The following GPR78 variants were observed in gnomAD, a reference collection of about 807,000 sequenced individuals.
The protein encoded by GPR78 is G protein-coupled receptor 78.
GPR78 carries 29 observed loss-of-function variants against 17.9 expected under a neutral mutation model. That is an observed-to-expected ratio of 1.62 (90% CI 1.20 to 2.21). The LOEUF (loss-of-function observed/expected upper bound fraction) is 2.21, where lower values mean the gene tolerates loss of function less well. GPR78 is among the 30% of genes most tolerant of loss of function. The pLI is 0.00. For missense variants in GPR78, 649 were observed against 530.5 expected (o/e 1.22, Z -2.19); for synonymous variants, 349 against 256.9 (o/e 1.36, Z -3.43).
In GPR78 at chr4:8,581,314, C is replaced by T; in HGVS notation, c.332C>T (p.Pro111Leu). 1 of 1,582,846 alleles carries T rather than the reference C, an allele frequency of 6.3e-7. No individual in the cohort carries two copies. Among genetic ancestry groups the T allele is most frequent in the Non-Finnish European group, 8.5e-7 (1 of 1,171,222 alleles). Reference sequence around the variant, plus strand: ...GACCAGTGGCTGGCAGTGGGCTTCCCACTGCGCTACGCCGGACGCCTGCGA... The same window carrying T: ...GACCAGTGGCTGGCAGTGGGCTTCCTACTGCGCTACGCCGGACGCCTGCGA... ...SADQWLAVGF[P>L]LRYAGRLRPR... Residue 111 changes from proline to leucine, a missense_variant, in exon 1 of 3, where the codon CCA becomes CTA. Physicochemically the swap from Pro to Leu is moderately conservative, Grantham distance 98. Coordinates refer to ENST00000382487, the MANE Select transcript of GPR78 (RefSeq NM_080819.5).
At chr4:8,584,109 A>C (rs1713404803) in intron 2 of GPR78, among the ~76,000 whole-genome samples, 1 of 152,232 alleles carries the variant, frequency 6.6e-6, no homozygotes, top group Non-Finnish European at 1.5e-5. Flanking sequence ...GTGTGTATTC[A>C]TACATGCACA....
chr4:8,585,720 C>T (rs894871069), intron 2 of GPR78, among the ~76,000 whole-genome samples: 11 of 152,174 alleles, frequency 7.2e-5, no homozygotes, highest in African/African-American at 2.4e-4. Flanking sequence ...TGGCTGTGCC[C>T]CTCACCTTCT....
chr4:8,587,451 C>G lies in GPR78; in HGVS notation c.*88C>G, dbSNP rs1443600653. On this transcript the variant is annotated 3_prime_UTR_variant, in exon 3 of 3. Transcript: ENST00000382487. ...GCCACAGAGATGCCACTGGGGACCC[C>G]CAGACACCAGTGGCTTGACTTTGAG... 1 of 1,307,984 alleles carries G rather than the reference C, an allele frequency of 7.6e-7. No individual in the cohort carries two copies. The highest frequency in any genetic ancestry group is 1.4e-5 in the South Asian group (1 of 71,852). The allele number at this position is 1,307,984 out of a possible 1,614,324, so 81.0% of individuals were successfully genotyped here.
chr4:8,587,136 G>C lies in GPR78; in HGVS notation c.865G>C (p.Ala289Pro), dbSNP rs1346289551. The C allele has an allele frequency of 2.5e-6, 4 of 1,613,372 alleles. No homozygotes were observed. Among genetic ancestry groups the C allele is most frequent in the Non-Finnish European group, 3.4e-6 (4 of 1,180,002 alleles). The change falls in exon 3 of 3, where the codon GCC (alanine) becomes CCC (proline). Residue 289 changes from alanine to proline, a missense_variant. By Grantham distance (27) the Ala-to-Pro change is conservative. Transcript: ENST00000382487. ...SKCLTYSKAVADPFTYSLLRR... is the reference protein window; with the variant it reads ...SKCLTYSKAVPDPFTYSLLRR... ...GTGCCTGACCTACAGCAAGGCGGTG[G>C]CCGACCCGTTCACGTACTCTCTGCT...
At chr4:8,585,479 T>C (rs943355359) in intron 2 of GPR78, among the ~76,000 whole-genome samples, 7 of 151,980 alleles carry the variant, frequency 4.6e-5, no homozygotes, top group Non-Finnish European at 7.4e-5. Flanking sequence ...CCTTCCCACT[T>C]GCCTGATGGT....
Position 8,587,448 on chromosome 4 carries a change from C to A in GPR78, c.*85C>A, listed in dbSNP as rs1362132350. ...CCTGCCACAGAGATGCCACTGGGGA[C>A]CCCCAGACACCAGTGGCTTGACTTT... On this transcript the variant is annotated 3_prime_UTR_variant, in exon 3 of 3. Coordinates refer to ENST00000382487, the MANE Select transcript of GPR78 (RefSeq NM_080819.5). 1 of 1,325,556 alleles carries A rather than the reference C, an allele frequency of 7.5e-7. No homozygotes were observed. Among genetic ancestry groups the A allele is most frequent in the Non-Finnish European group, 1.0e-6 (1 of 955,664 alleles). 82.1% of individuals were successfully genotyped at this position (1,325,556 alleles called of 1,614,324 possible).
In GPR78 at chr4:8,587,542, C is replaced by T. The variant is rs750118916; in HGVS notation, c.*179C>T. On this transcript the variant is annotated 3_prime_UTR_variant, in exon 3 of 3. Coordinates refer to ENST00000382487, the MANE Select transcript of GPR78 (RefSeq NM_080819.5). ...ATGTGGGTGTGGACAGCAGTAGTGGCGGAGGAGAGCTCGGGGCTGGGCTGC... is the reference window on the plus strand; with the variant it reads ...ATGTGGGTGTGGACAGCAGTAGTGGTGGAGGAGAGCTCGGGGCTGGGCTGC... The T allele has an allele frequency of 2.5e-5, 17 of 670,830 alleles. No homozygotes were observed. The highest frequency in any genetic ancestry group is 1.1e-4 in the East Asian group (4 of 36,652). 41.6% of individuals were successfully genotyped at this position (670,830 alleles called of 1,614,324 possible). A position where few individuals can be genotyped will look rare whatever the true frequency, so the allele number is the denominator to read the frequency against.
intron 2 of GPR78, among the ~76,000 whole-genome samples, chr4:8,585,067 T>C (rs188818722): frequency 2.8e-4 from 42 of 152,346 alleles, no homozygotes; most frequent in African/African-American, 9.9e-4. Flanking sequence ...GTTGTCACTC[T>C]TGAGTTTTAC....
intron 2 of GPR78, chr4:8,582,919 T>G (rs1402914170): frequency 3.0e-6 from 1 of 332,392 alleles, no homozygotes; most frequent in African/African-American, 2.1e-5. Context: ...ACCTGGCTCT[T>G]TAAACCTAGA....
Position 8,580,972 on chromosome 4 carries a change from C to G in GPR78, c.-11C>G. The G allele has an allele frequency of 6.4e-7, 1 of 1,553,948 alleles. No individual in the cohort carries two copies. The highest frequency in any genetic ancestry group is 1.2e-5 in the South Asian group (1 of 83,880). On this transcript the variant is annotated 5_prime_UTR_variant, in exon 1 of 3. Transcript: ENST00000382487. Reference sequence around the variant, plus strand: ...TGAGAACCCCAGGGTGCCTGGCGAGCCGCTAGCGCCATGGGCCCCGGCGAG... The same window carrying G: ...TGAGAACCCCAGGGTGCCTGGCGAGGCGCTAGCGCCATGGGCCCCGGCGAG...
At chr4:8,585,890 G>A (rs1229881468) in intron 2 of GPR78, among the ~76,000 whole-genome samples, 1 of 152,168 alleles carries the variant, frequency 6.6e-6, no homozygotes, top group Non-Finnish European at 1.5e-5. Flanking sequence ...GTTTGTGGGT[G>A]GTCCAAACTA....
chr4:8,580,632 AAG>A lies in GPR78; in HGVS notation c.-347_-346del, dbSNP rs1713229656. 2.8e-6 allele frequency: 1 copy of A among 361,360 alleles called. No individual in the cohort carries two copies. The allele number at this position is 361,360 out of a possible 1,614,324, so 22.4% of individuals were successfully genotyped here. ...AAGAAGGAAAGATACAGTGTTAGGA[AAG>A]AGACCTCCCTCGCCCCTACGCCCCG... On this transcript the variant is annotated 5_prime_UTR_variant, in exon 1 of 3. Transcript: ENST00000382487.
At position 8,589,823 on chromosome 4, in the gene GPR78, G is replaced by A. The variant is rs920518789; in HGVS notation, c.*2460G>A. Among the ~76,000 whole-genome samples the A allele has an allele frequency of 4.6e-5, 7 of 152,100 alleles. No individual in the cohort carries two copies. In the South Asian group the frequency reaches 6.2e-4, roughly 14 times the overall value. On this transcript the variant is annotated 3_prime_UTR_variant, in exon 3 of 3. Coordinates refer to ENST00000382487, the MANE Select transcript of GPR78 (RefSeq NM_080819.5). ...CGGCAGCTCCATGGAATGTTCTGGA[G>A]CAGGCATCTTAGGGCATTCCCTCCG...
chr4:8,581,298 C>G lies in GPR78; in HGVS notation c.316C>G (p.Leu106Val). The G allele has an allele frequency of 6.3e-7, 1 of 1,585,720 alleles. No individual in the cohort carries two copies. Among genetic ancestry groups the G allele is most frequent in the Non-Finnish European group, 8.5e-7 (1 of 1,171,870 alleles). ...SVAALSADQW[L>V]AVGFPLRYAG... is the part of the protein sequence containing the mutation. ...GGCGGCGCTGAGCGCAGACCAGTGGCTGGCAGTGGGCTTCCCACTGCGCTA... is the reference window on the plus strand; with the variant it reads ...GGCGGCGCTGAGCGCAGACCAGTGGGTGGCAGTGGGCTTCCCACTGCGCTA... Residue 106 changes from leucine to valine, a missense_variant, in exon 1 of 3, where the codon CTG becomes GTG. Leu to Val is a conservative substitution (Grantham distance 32, BLOSUM62 1). Transcript: ENST00000382487.
chr4:8,587,707 C>A lies in GPR78; in HGVS notation c.*344C>A. On this transcript the variant is annotated 3_prime_UTR_variant, in exon 3 of 3. Transcript: ENST00000382487. The stretch of plus-strand genomic sequence containing the variant: ...GTGGCATATGGTACTCGTGGGCGTG[C>A]TATAAGTGACTGCTGTTCATGTGGG... 1 of 371,764 alleles carries A rather than the reference C, an allele frequency of 2.7e-6. No individual in the cohort carries two copies. The highest frequency in any genetic ancestry group is 3.5e-5 in the South Asian group (1 of 28,614). The allele number at this position is 371,764 out of a possible 1,614,324, so 23.0% of individuals were successfully genotyped here. A position where few individuals can be genotyped will look rare whatever the true frequency, so the allele number is the denominator to read the frequency against.
At position 8,587,347 on chromosome 4, in the gene GPR78, T is replaced by C; in HGVS notation, c.1076T>C (p.Leu359Pro). ...GTGGACACAGAGAATGATTCCTGCC[T>C]GCAGCAGACACACTGAGGGCCTGGC... ...GSVDTENDSC[L>P]QQTH The change falls in exon 3 of 3, where the codon CTG (leucine) becomes CCG (proline). Residue 359 changes from leucine (L) to proline (P), a missense_variant. Physicochemically the swap from Leu to Pro is moderately conservative, Grantham distance 98 (BLOSUM62 -3). Transcript: ENST00000382487. 6.2e-7 allele frequency: 1 copy of C among 1,612,642 alleles called. No homozygotes were observed.
chr4:8,585,513 A>T (rs959316925), intron 2 of GPR78, among the ~76,000 whole-genome samples: 1 of 151,982 alleles, frequency 6.6e-6, no homozygotes, highest in South Asian at 2.1e-4. Flanking sequence ...TCTCCAGTCT[A>T]TGCCTGATAT....
At position 8,586,452 on chromosome 4, in the gene GPR78, C is replaced by T. The variant is rs117037929; in HGVS notation, c.783-602C>T. On this transcript the variant is annotated intron_variant, in intron 2 of 2. Transcript: ENST00000382487. ...AGCACCCTGCGTGGTGTGTGGTGCC[C>T]GTGGACATCCTGTGAGTGACTGCTG... is the stretch of plus-strand genomic sequence containing the variant. Among the ~76,000 whole-genome samples the T allele has an allele frequency of 2.5e-4, 38 of 152,250 alleles. 1 individual carries two copies. The East Asian group carries it at 6.6e-3, about 26-fold the overall frequency.
rs192658115 is a variant in GPR78 at position 8,589,249 on chromosome 4, G to C, written c.*1886G>C. ...TAAAGGTGTGTATAACCCATGAAGT[G>C]TAATTCAAATAAAACAAATTATCGT... On this transcript the variant is annotated 3_prime_UTR_variant, in exon 3 of 3. Transcript: ENST00000382487. Among the ~76,000 whole-genome samples, 120 of 150,540 alleles carry C rather than the reference G, an allele frequency of 8.0e-4. No individual in the cohort carries two copies. Among genetic ancestry groups the C allele is most frequent in the African/African-American group, 2.7e-3 (113 of 41,484 alleles).
Sources: allele counts gnomAD v4.1 joint callset (sites outside exome capture counted in the v4.1 genomes callset), GRCh38; gene constraint gnomAD v4.1.1; transcripts MANE v1.5; gene names NCBI Gene and HGNC (gene_info 2026-07-23, HGNC 2026-07-21).